Variants in TNKS observed in about 807,000 individuals in gnomAD.
The protein encoded by TNKS is tankyrase, also known as poly [ADP-ribose] polymerase tankyrase-1.
TNKS carries 72 observed loss-of-function variants against 135.8 expected under a neutral mutation model. That is an observed-to-expected ratio of 0.53 (90% confidence interval 0.44 to 0.64). The LOEUF (loss-of-function observed/expected upper bound fraction) is 0.64. Ranked by LOEUF, TNKS falls within the 30% of genes least tolerant of loss-of-function variation. The probability of loss-of-function intolerance (pLI) is 0.00; values close to 1 mark genes in which losing one functional copy is unlikely to be tolerated. For missense variants in TNKS, 1,769 were observed against 1,674.0 expected (o/e 1.06, Z -0.99); for synonymous variants, 849 against 649.3 (o/e 1.31, Z -4.68).
chr8:9,747,302 C>G (rs1484838495), intron 17 of TNKS, among the ~76,000 whole-genome samples: 1 of 142,590 alleles, frequency 7.0e-6, no homozygotes, highest in African/African-American at 2.5e-5. Flanking sequence ...TTTTCTCTCT[C>G]TCTCTTCTGT....
At chr8:9,776,390 G>T (rs1808227085) in intron 26 of TNKS, among the ~76,000 whole-genome samples, 1 of 152,238 alleles carries the variant, frequency 6.6e-6, no homozygotes, top group Non-Finnish European at 1.5e-5. Flanking sequence ...ATGACACATG[G>T]CTCTCTAATA....
chr8:9,643,041 A>T (rs1031744113), intron 3 of TNKS, among the ~76,000 whole-genome samples: 1 of 146,258 alleles, frequency 6.8e-6, no homozygotes, highest in Non-Finnish European at 1.5e-5. Context: ...ATAATTGAAT[A>T]TGAGAAATTA....
Position 9,764,734 on chromosome 8 carries a change from G to C in TNKS, c.3391G>C (p.Glu1131Gln), listed in dbSNP as rs773611619. The C allele has an allele frequency of 4.4e-6, 7 of 1,598,284 alleles. No homozygotes were observed. In the East Asian group the frequency reaches 1.6e-4, roughly 36 times the overall value. Residue 1131 changes from glutamate (E) to glutamine (Q), a missense_variant, in exon 23 of 27, where the codon GAA becomes CAA. Coordinates refer to ENST00000310430, the MANE Select transcript of TNKS (RefSeq NM_003747.3). ...TCTGTAGATGCAAAGTACTATTCGA[G>C]AACACAGAGATGGTGGTAATGCTGG... Reference protein sequence around the residue: ...VEEEMQSTIREHRDGGNAGGI... With the variant: ...VEEEMQSTIRQHRDGGNAGGI...
chr8:9,579,489 TGAG>T (rs1180506106), intron 1 of TNKS, among the ~76,000 whole-genome samples: 7 of 152,164 alleles, frequency 4.6e-5, no homozygotes, highest in Non-Finnish European at 2.9e-5. Context: ...TTTATTTTAT[TGAG>T]GAGTCTCGCA....
chr8:9,673,116 A>G (rs915110055), intron 3 of TNKS, among the ~76,000 whole-genome samples: 2 of 152,136 alleles, frequency 1.3e-5, no homozygotes, highest in South Asian at 2.1e-4. Context: ...GATGGCTACA[A>G]TTGACACCAC....
rs542863660 is a variant in TNKS at position 9,569,391 on chromosome 8, C to T, written c.674-10768C>T. ...TTATCTGCAATCCATAAGCTCCTGT[C>T]CTATGTCTTTTGAGTCGTTACCCCT... On this transcript the variant is annotated intron_variant, in intron 1 of 26. Coordinates refer to ENST00000310430, the MANE Select transcript of TNKS (RefSeq NM_003747.3). Among the ~76,000 whole-genome samples, 8 of 152,280 alleles carry T rather than the reference C, an allele frequency of 5.3e-5. No homozygotes were observed. In the South Asian group the frequency reaches 1.7e-3, roughly 32 times the overall value.
intron 1 of TNKS, among the ~76,000 whole-genome samples, chr8:9,564,485 A>C (rs1797450619): frequency 6.6e-6 from 1 of 152,262 alleles, no homozygotes; most frequent in Non-Finnish European, 1.5e-5. Flanking sequence ...GGAAAGGAAT[A>C]AACATGAGCT....
intron 2 of TNKS, among the ~76,000 whole-genome samples, chr8:9,606,041 T>C (rs1156393681): frequency 6.6e-6 from 1 of 151,890 alleles, no homozygotes; most frequent in Non-Finnish European, 1.5e-5. Flanking sequence ...TTTTCTTTCA[T>C]GTTTTCTTTA....
chr8:9,692,939 G>T (rs1803346340), intron 5 of TNKS, among the ~76,000 whole-genome samples: 1 of 152,124 alleles, frequency 6.6e-6, no homozygotes, highest in Admixed American at 6.5e-5. Context: ...AATTTGTTTA[G>T]GGTTCTCATC....
intron 2 of TNKS, among the ~76,000 whole-genome samples, chr8:9,593,592 A>G (rs1277699711): frequency 3.3e-5 from 5 of 152,218 alleles, no homozygotes; most frequent in Non-Finnish European, 2.9e-5. Flanking sequence ...ACCTGTCTAC[A>G]AAAATTTAAA....
intron 5 of TNKS, among the ~76,000 whole-genome samples, chr8:9,682,516 G>C (rs2128798110): frequency 6.6e-6 from 1 of 152,132 alleles, no homozygotes; most frequent in East Asian, 1.9e-4. Flanking sequence ...TAGAACCAAT[G>C]TATTCCTCAT....
At chr8:9,597,001 C>G (rs1045291466) in intron 2 of TNKS, among the ~76,000 whole-genome samples, 16 of 152,146 alleles carry the variant, frequency 1.1e-4, no homozygotes, top group African/African-American at 3.6e-4. Context: ...GTATTAAGGA[C>G]AAATATGTAG....
rs1192440492 is a variant in TNKS at position 9,694,783 on chromosome 8, T to C, written c.1108-9880T>C. Among the ~76,000 whole-genome samples, 5 of 151,318 alleles carry C rather than the reference T, an allele frequency of 3.3e-5. No homozygotes were observed. In the East Asian group the frequency reaches 5.8e-4, roughly 18 times the overall value. ...TCTCAAAAAAAAAAAAAAAAAGATA[T>C]TGTCCAAAGACAGAACAAGAAGAAA... On this transcript the variant is annotated intron_variant, in intron 5 of 26. Transcript: ENST00000310430.
At chr8:9,668,489 A>G (rs561849370) in intron 3 of TNKS, among the ~76,000 whole-genome samples, 2 of 152,374 alleles carry the variant, frequency 1.3e-5, no homozygotes, top group South Asian at 2.1e-4. Context: ...ATATAATCTT[A>G]GAACAGGCTT....
Position 9,556,406 on chromosome 8 carries a change from C to A in TNKS, c.467C>A (p.Ala156Glu). The change falls in exon 1 of 27, where the codon GCG (alanine) becomes GAG (glutamate). Residue 156 changes from alanine (A) to glutamate (E), a missense_variant. Around this residue, in one of 5 missense-constraint regions of TNKS, gnomAD observed 450 missense variants for 304.9 expected, o/e 1.48. Coordinates refer to ENST00000310430, the MANE Select transcript of TNKS (RefSeq NM_003747.3). ...PGSSLAESPE[A>E]AGVSSTAPLG... Reference sequence around the variant, plus strand: ...TCGAGCTTGGCGGAGAGCCCCGAGGCGGCCGGAGTTAGCAGCACAGCACCA... The same window carrying A: ...TCGAGCTTGGCGGAGAGCCCCGAGGAGGCCGGAGTTAGCAGCACAGCACCA... 1.2e-6 allele frequency: 2 copies of A among 1,614,234 alleles called. No individual in the cohort carries two copies. The highest frequency in any genetic ancestry group is 1.3e-5 in the African/African-American group (1 of 75,070).
intron 3 of TNKS, among the ~76,000 whole-genome samples, chr8:9,666,113 A>T (rs1368326553): frequency 3.9e-5 from 6 of 152,086 alleles, no homozygotes; most frequent in African/African-American, 9.7e-5. Context: ...ACTGATTACA[A>T]CCGTTTTACT....
At chr8:9,588,433 C>G (rs1294635927) in intron 2 of TNKS, among the ~76,000 whole-genome samples, 1 of 152,094 alleles carries the variant, frequency 6.6e-6, no homozygotes, top group Admixed American at 6.5e-5. Context: ...CGCCACCACG[C>G]CCAGCTAATT....
chr8:9,609,040 C>G (rs1398682395), intron 2 of TNKS, among the ~76,000 whole-genome samples: 1 of 152,090 alleles, frequency 6.6e-6, no homozygotes, highest in Non-Finnish European at 1.5e-5. Context: ...TCTAAAAGTT[C>G]TGTTTAATTC....
chr8:9,685,561 G>C (rs1802956093), intron 5 of TNKS, among the ~76,000 whole-genome samples: 1 of 152,038 alleles, frequency 6.6e-6, no homozygotes, highest in Non-Finnish European at 1.5e-5. Flanking sequence ...CCACTTAAAT[G>C]TCCTTATTGT....
Sources: gnomAD v4.1 joint callset for allele counts (sites outside exome capture counted in the v4.1 genomes callset) on GRCh38, gnomAD v4.1.1 for gene constraint, gnomAD v4.1.1 regional missense constraint, MANE v1.5 for transcripts, NCBI Gene and HGNC (gene_info 2026-07-23, HGNC 2026-07-21) for gene names.